The following KCNH6 variants were observed in gnomAD, a reference collection of about 807,000 sequenced individuals.
KCNH6 encodes the protein voltage-gated inwardly rectifying potassium channel KCNH6.
KCNH6 carries 81 observed loss-of-function variants against 83.4 expected under a neutral mutation model. That is an observed-to-expected ratio of 0.97 (90% CI 0.81 to 1.17). The LOEUF is 1.17. KCNH6 is among the 50% of genes most tolerant of loss of function. The probability of loss-of-function intolerance (pLI) is 0.00; values close to 1 mark genes in which losing one functional copy is unlikely to be tolerated. For synonymous variants in KCNH6, 503 were observed against 545.6 expected (o/e 0.92, Z 1.09); for missense variants, 1,203 against 1,290.5 (o/e 0.93, Z 1.04).
intron 8 of KCNH6, among the ~76,000 whole-genome samples, chr17:63,540,386 C>G (rs1374715409): frequency 1.3e-5 from 2 of 152,006 alleles, no homozygotes; most frequent in African/African-American, 4.8e-5. Flanking sequence ...AAACCAAGAT[C>G]ACGCCACTGT....
Position 63,545,206 on chromosome 17 carries a change from C to T in KCNH6, c.2525C>T (p.Ala842Val). 1 of 1,613,806 alleles carries T rather than the reference C, an allele frequency of 6.2e-7. No individual in the cohort carries two copies. Among genetic ancestry groups the T allele is most frequent in the Non-Finnish European group, 8.5e-7 (1 of 1,180,036 alleles). ...AATGACCTGGCCTTGGTTCCTATAGCCTCGGAGACGACGAGTCCAGGGCCC... is the reference window on the plus strand; with the variant it reads ...AATGACCTGGCCTTGGTTCCTATAGTCTCGGAGACGACGAGTCCAGGGCCC... ...ASNDLALVPIASETTSPGPRL... is the reference protein window; with the variant it reads ...ASNDLALVPIVSETTSPGPRL... Residue 842 changes from alanine (A) to valine (V), a missense_variant, in exon 12 of 13, where the codon GCC becomes GTC. Coordinates refer to ENST00000314672, the MANE Select transcript of KCNH6 (RefSeq NM_001278919.2).
chr17:63,537,682 C>T (rs550453404), intron 6 of KCNH6, among the ~76,000 whole-genome samples: 2 of 152,294 alleles, frequency 1.3e-5, no homozygotes, highest in East Asian at 3.9e-4. Flanking sequence ...GGTGATCTGC[C>T]CACCTCGGCC....
In KCNH6 at chr17:63,524,000, C is replaced by T. The variant is rs2031519495; in HGVS notation, c.77-139C>T. On this transcript the variant is annotated intron_variant, in intron 1 of 12. Transcript: ENST00000314672. The surrounding 1 kb of genome is among the most constrained non-coding windows in gnomAD (Gnocchi z 4.2). ...GTCTTCCCACAATCCCCAGGCCTGA[C>T]TCCCTCCCTCATTCCGGTCACTGCC... 1 of 708,514 alleles carries T rather than the reference C, an allele frequency of 1.4e-6. No homozygotes were observed. The highest frequency in any genetic ancestry group is 1.7e-5 in the African/African-American group (1 of 57,796). The allele number at this position is 708,514 out of a possible 1,614,324, so 43.9% of individuals were successfully genotyped here.
chr17:63,532,080 C>T lies in KCNH6; in HGVS notation c.675+1538C>T, dbSNP rs191724344. On this transcript the variant is annotated intron_variant, in intron 4 of 12. Transcript: ENST00000314672. ...ACACTGGGCAGGGTGGGCTTTGCCACGAAGAGCCTCGAGCTGGCTTTGGAG... is the reference window on the plus strand; with the variant it reads ...ACACTGGGCAGGGTGGGCTTTGCCATGAAGAGCCTCGAGCTGGCTTTGGAG... Among the ~76,000 whole-genome samples the T allele has an allele frequency of 2.1e-4, 32 of 152,210 alleles. 1 individual carries two copies. The highest frequency in any genetic ancestry group is 1.0e-3 in the South Asian group (5 of 4,820).
intron 2 of KCNH6, among the ~76,000 whole-genome samples, chr17:63,524,576 C>T (rs1236190411): frequency 6.6e-6 from 1 of 152,220 alleles, no homozygotes; most frequent in Non-Finnish European, 1.5e-5. Flanking sequence ...GCTGGGCCAC[C>T]CACTGGTTCT....
chr17:63,545,864 G>T lies in KCNH6; in HGVS notation c.2839G>T (p.Gly947Cys). Residue 947 changes from glycine to cysteine, a missense_variant, in exon 13 of 13, where the codon GGC (glycine) becomes TGC (cysteine). By Grantham distance (159) the Gly-to-Cys change is radical (BLOSUM62 -3). Transcript: ENST00000314672. The stretch of plus-strand genomic sequence containing the variant: ...CAAGCAGCTGGACTTCCAGAGACAT[G>T]GCTCAGATCCTGGATTTGCAGGGAG... ...VPKQLDFQRH[G>C]SDPGFAGSWG... 1.2e-6 allele frequency: 2 copies of T among 1,614,002 alleles called. No homozygotes were observed. Among genetic ancestry groups the T allele is most frequent in the Non-Finnish European group, 1.7e-6 (2 of 1,180,012 alleles).
chr17:63,531,942 C>G (rs561505036), intron 4 of KCNH6, among the ~76,000 whole-genome samples: 1 of 152,168 alleles, frequency 6.6e-6, no homozygotes, highest in Non-Finnish European at 1.5e-5. Flanking sequence ...AAAGAGCAGG[C>G]GAGGACCCAG....
Position 63,530,178 on chromosome 17 carries a change from T to C in KCNH6, c.395T>C (p.Leu132Pro). The C allele has an allele frequency of 6.2e-7, 1 of 1,614,198 alleles. No individual in the cohort carries two copies. The highest frequency in any genetic ancestry group is 8.5e-7 in the Non-Finnish European group (1 of 1,180,040). Residue 132 changes from leucine to proline, a missense_variant, in exon 3 of 13, where the codon CTG becomes CCG. Coordinates refer to ENST00000314672, the MANE Select transcript of KCNH6 (RefSeq NM_001278919.2). Reference protein sequence around the residue: ...VIMFILNFEDLAQLLAKCSSR... With the variant: ...VIMFILNFEDPAQLLAKCSSR... ...ATGTTCATTCTCAACTTCGAGGACC[T>C]GGCCCAGCTCCTGGCCAAGTGCAGC... is the stretch of plus-strand genomic sequence containing the variant.
chr17:63,531,232 G>C (rs1470561572), intron 4 of KCNH6, among the ~76,000 whole-genome samples: 1 of 152,252 alleles, frequency 6.6e-6, no homozygotes, highest in African/African-American at 2.4e-5. Context: ...AATGCGAGGA[G>C]CCCTGCCCGA....
Position 63,535,206 on chromosome 17 carries a change from G to A in KCNH6, c.1102-463G>A, listed in dbSNP as rs76395195. On this transcript the variant is annotated intron_variant, in intron 5 of 12. Coordinates refer to ENST00000314672, the MANE Select transcript of KCNH6 (RefSeq NM_001278919.2). This position sits in a 1 kb window ranked among gnomAD's most constrained non-coding sequence, Gnocchi z 4.9. ...TGCCCGCCCTGCCCTTCCCAGGCAC[G>A]GCTCTCACTGCTCCTCCATCTCCCA... 6.2e-4 allele frequency among the ~76,000 whole-genome samples: 95 copies of A among 152,294 alleles called. No homozygotes were observed. Among genetic ancestry groups the A allele is most frequent in the Non-Finnish European group, 1.1e-3 (74 of 68,020 alleles).
rs1023032723 is a variant in KCNH6 at position 63,533,921 on chromosome 17, C to T, written c.711C>T (p.Tyr237=). Residue 237 remains tyrosine, a synonymous_variant, in exon 5 of 13, where the codon TAC becomes TAT. Transcript: ENST00000314672. The surrounding 1 kb of genome is among the most constrained non-coding windows in gnomAD (Gnocchi z 4.1). ...LSLGADVLPE[Y]KLQAPRIHRW... is the part of the protein sequence containing the mutation. ...TGGGCGCGGATGTGCTGCCGGAGTACAAGCTGCAGGCGCCGCGCATCCACC... is the reference window on the plus strand; with the variant it reads ...TGGGCGCGGATGTGCTGCCGGAGTATAAGCTGCAGGCGCCGCGCATCCACC... The T allele has an allele frequency of 1.2e-6, 2 of 1,613,808 alleles. No individual in the cohort carries two copies. The highest frequency in any genetic ancestry group is 2.7e-5 in the African/African-American group (2 of 74,902).
At chr17:63,524,423 G>C in intron 2 of KCNH6, 54 bp downstream of exon 2, 3 of 1,518,312 alleles carry the variant, frequency 2.0e-6, no homozygotes, top group Non-Finnish European at 2.7e-6. Flanking sequence ...CCTCTGTCTT[G>C]TCCAGCCAGG....
Position 63,538,225 on chromosome 17 carries a change from G to A in KCNH6, c.1662G>A (p.Gln554=), listed in dbSNP as rs745314345. ...PLRQRLEEYF[Q]HAWSYTNGID... is the part of the protein sequence containing the mutation. ...GCCAGCGCCTGGAGGAGTATTTCCA[G>A]CACGCCTGGTCCTACACCAATGGCA... is the stretch of plus-strand genomic sequence containing the variant. Residue 554 remains glutamine (Q), a synonymous_variant, in exon 7 of 13, where the codon CAG becomes CAA. Transcript: ENST00000314672. The surrounding 1 kb of genome is among the most constrained non-coding windows in gnomAD (Gnocchi z 4.0). 5 of 1,614,182 alleles carry A rather than the reference G, an allele frequency of 3.1e-6. No individual in the cohort carries two copies. The highest frequency in any genetic ancestry group is 4.2e-6 in the Non-Finnish European group (5 of 1,180,014).
chr17:63,543,778 G>T, intron 10 of KCNH6, 118 bp downstream of exon 10: 1 of 705,816 alleles, frequency 1.4e-6, no homozygotes, highest in Non-Finnish European at 2.6e-6. Context: ...GTGGAGAGGG[G>T]CTCCCTCTCT....
At chr17:63,547,512 CA>C, downstream of KCNH6, among the ~76,000 whole-genome samples, 1 of 9,048 alleles carries the variant, frequency 1.1e-4, no homozygotes, top group East Asian at 2.9e-3. Context: ...TTTAAAAACA[CA>C]AGAAACCCTT....
chr17:63,544,130 C>T lies in KCNH6; in HGVS notation c.2234-119C>T, dbSNP rs1371440357. 2.5e-6 allele frequency: 4 copies of T among 1,598,938 alleles called. No individual in the cohort carries two copies. The Admixed American group carries it at 5.1e-5, about 20-fold the overall frequency. ...CTCCAGGGCACCCAGGTAAGGAGAG[C>T]CACTCCTCACACCCTGTGTCCCCAG... On this transcript the variant is annotated intron_variant, in intron 10 of 12. Transcript: ENST00000314672.
intron 6 of KCNH6, among the ~76,000 whole-genome samples, chr17:63,537,188 G>C (rs2032557046): frequency 6.6e-6 from 1 of 152,116 alleles, no homozygotes; most frequent in African/African-American, 2.4e-5. Context: ...CACACAGCTA[G>C]GAAATGTCCG....
Position 63,538,530 on chromosome 17 carries a change from G to T in KCNH6, c.1822G>T (p.Val608Phe). 1 of 1,608,856 alleles carries T rather than the reference G, an allele frequency of 6.2e-7. No individual in the cohort carries two copies. The change falls in exon 8 of 13, where the codon GTC becomes TTC. Residue 608 changes from valine to phenylalanine, a missense_variant. Val to Phe is a conservative substitution (Grantham distance 50). Coordinates refer to ENST00000314672, the MANE Select transcript of KCNH6 (RefSeq NM_001278919.2). The surrounding 1 kb of genome is among the most constrained non-coding windows in gnomAD (Gnocchi z 4.0). ...AGKGCLRALA[V>F]KFKTTHAPPG... ...CAAGGGCTGCCTGCGCGCGCTAGCC[G>T]TCAAGTTCAAGACCACCCACGCGCC...
In KCNH6 at chr17:63,542,284, G is replaced by T; in HGVS notation, c.1998G>T (p.Gln666His). Reference protein sequence around the residue: ...IFGEPVSLHAQPGKSSADVRA... With the variant: ...IFGEPVSLHAHPGKSSADVRA... ...GGGAACCCGTCAGCCTCCATGCCCA[G>T]CCAGGCAAGTCCAGTGCAGACGTGC... is the stretch of plus-strand genomic sequence containing the variant. The change falls in exon 9 of 13, where the codon CAG (glutamine) becomes CAT (histidine). Residue 666 changes from glutamine to histidine, a missense_variant. By Grantham distance (24) the Gln-to-His change is conservative (BLOSUM62 0). Coordinates refer to ENST00000314672, the MANE Select transcript of KCNH6 (RefSeq NM_001278919.2). The T allele has an allele frequency of 1.2e-6, 2 of 1,614,158 alleles. No individual in the cohort carries two copies. Among genetic ancestry groups the T allele is most frequent in the Non-Finnish European group, 1.7e-6 (2 of 1,180,028 alleles).
Sources: allele counts gnomAD v4.1 joint callset (sites outside exome capture counted in the v4.1 genomes callset), GRCh38; gene constraint gnomAD v4.1.1; non-coding constraint Gnocchi (gnomAD v3.1); transcripts MANE v1.5; gene names NCBI Gene and HGNC (gene_info 2026-07-23, HGNC 2026-07-21).